GSTA4: variants seen among roughly 807,000 people sequenced by gnomAD.
The protein encoded by GSTA4 is glutathione S-transferase alpha 4.
In GSTA4, 15 loss-of-function variants were observed where a neutral mutation model predicts 24.4. The observed-to-expected ratio is 0.61, with a 90% CI of 0.41 to 0.95. The LOEUF (loss-of-function observed/expected upper bound fraction) is 0.95. GSTA4 is among the 40% of genes least tolerant of loss of function. The probability of loss-of-function intolerance (pLI) is 0.00; values close to 1 mark genes in which losing one functional copy is unlikely to be tolerated. For synonymous variants in GSTA4, 92 were observed against 94.2 expected (o/e 0.98, Z 0.13); for missense variants, 244 against 262.1 (o/e 0.93, Z 0.48).
intron 6 of GSTA4, among the ~76,000 whole-genome samples, chr6:52,979,843 T>A (rs1763415934): frequency 6.6e-6 from 1 of 152,220 alleles, no homozygotes; most frequent in Non-Finnish European, 1.5e-5. Context: ...GTACTTAAGC[T>A]CTACTTGTAT....
chr6:52,984,638 CCT>C, intron 4 of GSTA4, 33 bp from the exon 5 acceptor site: 3 of 1,601,042 alleles, frequency 1.9e-6, no homozygotes, highest in Non-Finnish European at 2.6e-6. Flanking sequence ...CTCAGTTTCT[CCT>C]CTCTTTGAAG....
At chr6:52,980,498 T>C (rs1763432309) in intron 6 of GSTA4, among the ~76,000 whole-genome samples, 1 of 152,100 alleles carries the variant, frequency 6.6e-6, no homozygotes, top group Non-Finnish European at 1.5e-5. Flanking sequence ...GAGATGGGGT[T>C]TCACCATGTT....
intron 3 of GSTA4, among the ~76,000 whole-genome samples, chr6:52,986,322 AC>A (rs1359820619): frequency 1.3e-5 from 2 of 152,216 alleles, no homozygotes. Flanking sequence ...CCTAGTGGCT[AC>A]CATATTGGAC....
chr6:52,984,122 A>G (rs966279396), intron 5 of GSTA4, among the ~76,000 whole-genome samples: 3 of 152,216 alleles, frequency 2.0e-5, no homozygotes, highest in Admixed American at 2.0e-4. Context: ...ACTTTTGTTG[A>G]ATGAATGAAT....
chr6:52,990,041 G>A (rs1055479193), intron 2 of GSTA4, among the ~76,000 whole-genome samples: 1 of 152,016 alleles, frequency 6.6e-6, no homozygotes, highest in East Asian at 1.9e-4. Context: ...GCAGGGACAA[G>A]GTGCTCAACT....
intron 6 of GSTA4, among the ~76,000 whole-genome samples, chr6:52,980,112 T>C (rs1053690408): frequency 1.3e-5 from 2 of 152,216 alleles, no homozygotes; most frequent in Admixed American, 6.5e-5. Context: ...AAAAGGGTTG[T>C]TATTATAGTA....
At chr6:52,984,348 G>T (rs316128) in intron 5 of GSTA4, 116 bp downstream of exon 5, 499,372 of 922,950 alleles carry the variant, frequency 0.54, 137,254 homozygotes, top group East Asian at 0.77. Context: ...TTAGCGCTTA[G>T]GTTAGTTCAA....
chr6:52,989,052 G>A (rs1206441351), intron 2 of GSTA4, among the ~76,000 whole-genome samples: 1 of 152,182 alleles, frequency 6.6e-6, no homozygotes, highest in Non-Finnish European at 1.5e-5. Flanking sequence ...TTGCATTAAA[G>A]AAGCCAGCTA....
At chr6:52,980,116 T>G (rs533872679) in intron 6 of GSTA4, among the ~76,000 whole-genome samples, 26 of 152,198 alleles carry the variant, frequency 1.7e-4, no homozygotes, top group Non-Finnish European at 3.7e-4. Context: ...GGGTTGTTAT[T>G]ATAGTATCAT....
intron 2 of GSTA4, among the ~76,000 whole-genome samples, chr6:52,989,041 G>C (rs771634919): frequency 6.6e-6 from 1 of 152,114 alleles, no homozygotes; most frequent in Non-Finnish European, 1.5e-5. Context: ...GATAAAACAG[G>C]TTGCATTAAA....
chr6:52,991,954 A>G (rs1460118506), intron 2 of GSTA4, among the ~76,000 whole-genome samples: 4 of 151,976 alleles, frequency 2.6e-5, no homozygotes, highest in Non-Finnish European at 5.9e-5. Flanking sequence ...ACGGGGTTTC[A>G]CCATGTTGGT....
chr6:52,992,948 C>T (rs1271088275), intron 2 of GSTA4, among the ~76,000 whole-genome samples: 1 of 152,002 alleles, frequency 6.6e-6, no homozygotes, highest in Non-Finnish European at 1.5e-5. Flanking sequence ...TAAAAAAATA[C>T]AAAAATTAGC....
At chr6:52,992,977 C>G (rs1325113262) in intron 2 of GSTA4, among the ~76,000 whole-genome samples, 1 of 151,978 alleles carries the variant, frequency 6.6e-6, no homozygotes, top group Non-Finnish European at 1.5e-5. Flanking sequence ...GTGGTGTGCA[C>G]CTGTAGTCCC....
intron 3 of GSTA4, among the ~76,000 whole-genome samples, chr6:52,986,970 GA>G (rs1763573986): frequency 6.6e-6 from 1 of 152,128 alleles, no homozygotes; most frequent in Non-Finnish European, 1.5e-5. Context: ...TGTAAATGGG[GA>G]TATTTATTTG....
At chr6:52,986,818 G>A (rs1210040728) in intron 3 of GSTA4, among the ~76,000 whole-genome samples, 5 of 152,198 alleles carry the variant, frequency 3.3e-5, no homozygotes, top group African/African-American at 7.2e-5. Context: ...GTTGATGGGC[G>A]CATTCTTTAT....
chr6:52,994,291 G>A (rs1477929423), intron 1 of GSTA4, 30 bp from the exon 2 acceptor site: 2 of 1,238,678 alleles, frequency 1.6e-6, no homozygotes, highest in Admixed American at 3.4e-5. Context: ...GCTCGTCGCA[G>A]ACCAACAGTC....
chr6:52,989,680 T>C (rs1207147068), intron 2 of GSTA4, among the ~76,000 whole-genome samples: 2 of 152,094 alleles, frequency 1.3e-5, no homozygotes, highest in African/African-American at 2.4e-5. Context: ...ACAGTATCCT[T>C]GGGGCAACAA....
chr6:52,993,897 T>C (rs1298903059), intron 2 of GSTA4: 2 of 518,716 alleles, frequency 3.9e-6, no homozygotes, highest in Non-Finnish European at 7.1e-6. Context: ...GTAAATTTCC[T>C]TTCTTCTTAT....
chr6:52,981,300 A>G (rs554932626), intron 6 of GSTA4, among the ~76,000 whole-genome samples: 3 of 152,312 alleles, frequency 2.0e-5, no homozygotes, highest in African/African-American at 7.2e-5. Flanking sequence ...TTGGAGAGTT[A>G]GTGTATCTCT....
Sources: allele counts gnomAD v4.1 joint callset (sites outside exome capture counted in the v4.1 genomes callset), GRCh38; gene constraint gnomAD v4.1.1; transcripts MANE v1.5; gene names NCBI Gene and HGNC (gene_info 2026-07-23, HGNC 2026-07-21).